MIA3: variants seen among roughly 807,000 people sequenced by gnomAD.
MIA3 encodes the protein transport and Golgi organization protein 1 homolog.
MIA3 carries 90 observed loss-of-function variants against 192.4 expected under a neutral mutation model. The ratio of observed to expected loss-of-function variants is 0.47; its 90% confidence interval spans 0.39 to 0.56. MIA3 has a LOEUF of 0.56. MIA3 is among the 20% of genes least tolerant of loss of function. The pLI is 0.00. For missense variants in MIA3, 2,123 were observed against 2,269.4 expected (o/e 0.94, Z 1.31); for synonymous variants, 740 against 792.8 (o/e 0.93, Z 1.12).
At chr1:222,646,678 G>A (rs566332416) in intron 7 of MIA3, among the ~76,000 whole-genome samples, 48 of 151,276 alleles carry the variant, frequency 3.2e-4, no homozygotes, top group Non-Finnish European at 5.2e-4. Flanking sequence ...CTTGAACTGG[G>A]GAAGCAGATC....
chr1:222,655,962 C>CTTTTTT (rs1283360501), intron 18 of MIA3, among the ~76,000 whole-genome samples: 101 of 71,250 alleles, frequency 1.4e-3, no homozygotes, highest in Non-Finnish European at 1.8e-3. Flanking sequence ...ACTTTCTTTC[C>CTTTTTT]CTTTTTTTTT....
intron 19 of MIA3, chr1:222,659,218 G>T: frequency 1.9e-6 from 1 of 515,956 alleles, no homozygotes. Context: ...ACATATTTAG[G>T]AACAGTTAAA....
At position 222,627,922 on chromosome 1, in the gene MIA3, G is replaced by T; in HGVS notation, c.702G>T (p.Leu234=). Residue 234 remains leucine (L), a synonymous_variant, in exon 4 of 28, where the codon CTG becomes CTT. Transcript: ENST00000344922. ...CATTTGAATCTTTTGAAGAAATGCT[G>T]CAAGATAAACTAAAAGTGCCAGAAA... ...QASFESFEEM[L]QDKLKVPESE... is the part of the protein sequence containing the mutation. 1.2e-6 allele frequency: 2 copies of T among 1,613,974 alleles called. No individual in the cohort carries two copies. Among genetic ancestry groups the T allele is most frequent in the Non-Finnish European group, 1.7e-6 (2 of 1,180,014 alleles).
intron 2 of MIA3, among the ~76,000 whole-genome samples, chr1:222,624,383 T>C (rs1313776300): frequency 6.6e-6 from 1 of 152,256 alleles, no homozygotes; most frequent in Non-Finnish European, 1.5e-5. Flanking sequence ...ACTATAATAG[T>C]TCGTAGCCAC....
In MIA3 at chr1:222,654,394, G is replaced by A. The variant is rs1458669014; in HGVS notation, c.4383G>A (p.Gln1461=). The part of the protein sequence containing the change: ...IKQMMDVSRT[Q]TAISVVEEDL... ...GTCTCTTCTGCAATTTTTAGACACA[G>A]ACTGCAATATCGGTAGTTGAAGAGG... The change falls in exon 17 of 28, where the codon CAG becomes CAA. Residue 1461 remains glutamine, a synonymous_variant. Coordinates refer to ENST00000344922, the MANE Select transcript of MIA3 (RefSeq NM_198551.4). 1 of 1,613,556 alleles carries A rather than the reference G, an allele frequency of 6.2e-7. No individual in the cohort carries two copies. The highest frequency in any genetic ancestry group is 1.3e-5 in the African/African-American group (1 of 74,896).
intron 1 of MIA3, among the ~76,000 whole-genome samples, 192 bp downstream of exon 1, chr1:222,618,435 C>T (rs1661707714): frequency 6.6e-6 from 1 of 152,150 alleles, no homozygotes; most frequent in South Asian, 2.1e-4. Context: ...CTGTGTCTGC[C>T]TTCTCCCGCT....
chr1:222,626,811 C>T (rs911410845), intron 3 of MIA3, among the ~76,000 whole-genome samples: 1 of 152,168 alleles, frequency 6.6e-6, no homozygotes, highest in Non-Finnish European at 1.5e-5. Context: ...CTTTCCCAGT[C>T]CAAGGAAAAT....
intron 19 of MIA3, 107 bp from the exon 20 acceptor site, chr1:222,659,346 A>T (rs1398121288): frequency 4.4e-6 from 4 of 909,268 alleles, no homozygotes; most frequent in Non-Finnish European, 6.9e-6. Context: ...ATATTTCTGG[A>T]TAAGCTCTAT....
chr1:222,637,769 C>T (rs1662695447), intron 6 of MIA3, among the ~76,000 whole-genome samples: 1 of 150,646 alleles, frequency 6.6e-6, no homozygotes, highest in Admixed American at 6.6e-5. Context: ...TGGCTCACTG[C>T]AGCCTCGACC....
intron 6 of MIA3, among the ~76,000 whole-genome samples, chr1:222,641,180 A>G (rs1662837301): frequency 6.6e-6 from 1 of 152,244 alleles, no homozygotes; most frequent in East Asian, 1.9e-4. Flanking sequence ...GTAAACCTAC[A>G]CTGGTCATAT....
chr1:222,628,448 G>A lies in MIA3; in HGVS notation c.1228G>A (p.Glu410Lys), dbSNP rs764134392. 6.2e-7 allele frequency: 1 copy of A among 1,612,100 alleles called. No individual in the cohort carries two copies. The highest frequency in any genetic ancestry group is 8.5e-7 in the Non-Finnish European group (1 of 1,179,582). ...GGATTTAGAGAGCTCTAGTTCAGAG[G>A]AAGAAAAAGAAGATGATGATGATGC... Reference protein sequence around the residue: ...TMDLESSSSEEEKEDDDDALV... With the variant: ...TMDLESSSSEKEKEDDDDALV... Residue 410 changes from glutamate to lysine, a missense_variant, in exon 4 of 28, where the codon GAA becomes AAA. By Grantham distance (56) the Glu-to-Lys change is moderately conservative. Coordinates refer to ENST00000344922, the MANE Select transcript of MIA3 (RefSeq NM_198551.4).
chr1:222,618,416 T>C (rs1311060992), intron 1 of MIA3, among the ~76,000 whole-genome samples, 173 bp downstream of exon 1: 1 of 151,886 alleles, frequency 6.6e-6, no homozygotes, highest in Non-Finnish European at 1.5e-5. Context: ...GTGGGCGCGC[T>C]CCGGGTCCCT....
In MIA3 at chr1:222,665,826, C is replaced by A; in HGVS notation, c.*207C>A. On this transcript the variant is annotated 3_prime_UTR_variant, in exon 28 of 28. Coordinates refer to ENST00000344922, the MANE Select transcript of MIA3 (RefSeq NM_198551.4). ...ATAAAAATCACCTTTTAAGCTAGAG[C>A]GTCCTTACAACTTTGAAATGTGCAA... is the stretch of plus-strand genomic sequence containing the variant. The A allele has an allele frequency of 2.3e-6, 1 of 425,708 alleles. No individual in the cohort carries two copies. Among genetic ancestry groups the A allele is most frequent in the Non-Finnish European group, 4.1e-6 (1 of 246,258 alleles). The allele number at this position is 425,708 out of a possible 1,614,324, so 26.4% of individuals were successfully genotyped here.
In MIA3 at chr1:222,630,802, G is replaced by A. The variant is rs528929803; in HGVS notation, c.3169+413G>A. ...ATCAATGCCTTGGCTAAATTCCTAC[G>A]TTCTCCCCAATTTTATCTTTTGTGG... is the stretch of plus-strand genomic sequence containing the variant. On this transcript the variant is annotated intron_variant, in intron 4 of 27. Coordinates refer to ENST00000344922, the MANE Select transcript of MIA3 (RefSeq NM_198551.4). Among the ~76,000 whole-genome samples, 12 of 152,210 alleles carry A rather than the reference G, an allele frequency of 7.9e-5. No homozygotes were observed. In the East Asian group the frequency reaches 9.7e-4, roughly 12 times the overall value.
chr1:222,623,562 G>C (rs1661975333), intron 2 of MIA3, among the ~76,000 whole-genome samples: 1 of 152,094 alleles, frequency 6.6e-6, no homozygotes, highest in Non-Finnish European at 1.5e-5. Flanking sequence ...TTTTAGACTT[G>C]ATCTGCCAAT....
Position 222,637,480 on chromosome 1 carries a change from ATT to A in MIA3, c.3477+4233_3477+4234del, listed in dbSNP as rs1427632835. Among the ~76,000 whole-genome samples the A allele has an allele frequency of 9.9e-5, 15 of 152,220 alleles. No homozygotes were observed. The South Asian group carries it at 2.9e-3, about 29-fold the overall frequency. On this transcript the variant is annotated intron_variant, in intron 6 of 27. Transcript: ENST00000344922. Reference sequence around the variant, plus strand: ...ATGATCAAGTATTCTTTACACTGAGATTTGGCTTGTATAGTTAAGGCAGGGTA... The same window carrying A: ...ATGATCAAGTATTCTTTACACTGAGATGGCTTGTATAGTTAAGGCAGGGTA...
chr1:222,643,018 T>C (rs1662930543), intron 6 of MIA3, among the ~76,000 whole-genome samples: 1 of 152,194 alleles, frequency 6.6e-6, no homozygotes, highest in Non-Finnish European at 1.5e-5. Flanking sequence ...TGCAATTTTT[T>C]TGGATGGGGT....
intron 18 of MIA3, among the ~76,000 whole-genome samples, chr1:222,655,072 G>A (rs1345567788): frequency 1.3e-5 from 2 of 152,200 alleles, no homozygotes; most frequent in Non-Finnish European, 2.9e-5. Flanking sequence ...TGAAGATCTG[G>A]CCATGCCTTG....
chr1:222,660,380 C>G, intron 24 of MIA3, 66 bp downstream of exon 24: 1 of 1,505,432 alleles, frequency 6.6e-7, no homozygotes, highest in Non-Finnish European at 9.0e-7. Context: ...TTTGAGAATT[C>G]TAATGCAAAC....
Sources: allele counts gnomAD v4.1 joint callset (sites outside exome capture counted in the v4.1 genomes callset), GRCh38; gene constraint gnomAD v4.1.1; transcripts MANE v1.5; gene names NCBI Gene and HGNC (gene_info 2026-07-23, HGNC 2026-07-21).